TRIM24: variants seen among roughly 807,000 people sequenced by gnomAD.
TRIM24 encodes the protein transcription intermediary factor 1-alpha.
TRIM24 carries 29 observed loss-of-function variants against 123.9 expected under a neutral mutation model. That is an observed-to-expected ratio of 0.23 (90% CI 0.17 to 0.32). TRIM24 has a LOEUF of 0.32. Among genes scored for constraint, TRIM24 ranks in the 10% least tolerant of loss-of-function variants. The pLI is 1.00. For missense variants in TRIM24, 932 were observed against 1,295.3 expected, an observed-to-expected ratio of 0.72 and a Z score of 4.31; for synonymous variants, 456 against 461.1, an observed-to-expected ratio of 0.99 and a Z score of 0.14.
rs1796943058 is a variant in TRIM24, at chr7:138,538,719, T to C, written c.1059T>C (p.Ser353=). 1 of 1,614,006 alleles carries C rather than the reference T, an allele frequency of 6.2e-7. No homozygotes were observed. Among genetic ancestry groups the C allele is most frequent in the African/African-American group, 1.3e-5 (1 of 74,934 alleles). The part of the protein sequence containing the change: ...MQQQQEVAGL[S]KQLEHVMHFS... ...AACAACAGGAAGTGGCTGGACTCTC[T>C]AAACAATTGGAGCATGTCATGCATT... Residue 353 remains serine (S), a synonymous_variant, in exon 7 of 19, where the codon TCT becomes TCC. Coordinates refer to ENST00000343526, the MANE Select transcript of TRIM24 (RefSeq NM_015905.3).
Position 138,577,601 on chromosome 7 carries a change from G to C in TRIM24, c.2256+13G>C. On this transcript the variant is annotated intron_variant, in intron 14 of 18. Transcript: ENST00000343526. Reference sequence around the variant, plus strand: ...TAGGCCTCAAAATGTAATTATGAATGCTTGCAATGCTATTCCTATGCATGG... The same window carrying C: ...TAGGCCTCAAAATGTAATTATGAATCCTTGCAATGCTATTCCTATGCATGG... 1 of 1,589,682 alleles carries C rather than the reference G, an allele frequency of 6.3e-7. No individual in the cohort carries two copies. The highest frequency in any genetic ancestry group is 1.1e-5 in the South Asian group (1 of 87,374).
chr7:138,474,304 T>G (rs991227658), intron 1 of TRIM24, among the ~76,000 whole-genome samples: 1 of 151,864 alleles, frequency 6.6e-6, no homozygotes, highest in African/African-American at 2.4e-5. Context: ...TTTTTGTATT[T>G]TTAGTAGAGA....
intron 2 of TRIM24, among the ~76,000 whole-genome samples, chr7:138,509,921 C>T (rs1237269826): frequency 6.6e-6 from 1 of 152,126 alleles, no homozygotes; most frequent in Non-Finnish European, 1.5e-5. Context: ...GGAAGTGCAT[C>T]TTGGCTGGTG....
chr7:138,552,958 G>A (rs1272334075), intron 8 of TRIM24, among the ~76,000 whole-genome samples: 2 of 152,132 alleles, frequency 1.3e-5, no homozygotes, highest in Non-Finnish European at 2.9e-5. Context: ...GGTCATATGT[G>A]CTATGTACTT....
At chr7:138,465,626 C>G (rs897945620) in intron 1 of TRIM24, among the ~76,000 whole-genome samples, 26 of 152,130 alleles carry the variant, frequency 1.7e-4, no homozygotes, top group Admixed American at 1.1e-3. Context: ...CGTAACTATT[C>G]TGGGACTGAT....
At chr7:138,539,026 C>G (rs1796948844) in intron 7 of TRIM24, among the ~76,000 whole-genome samples, 1 of 152,080 alleles carries the variant, frequency 6.6e-6, no homozygotes, top group Admixed American at 6.6e-5. Flanking sequence ...CAAGTATTCA[C>G]TGTCTTCATA....
chr7:138,525,834 T>C (rs1335668052), intron 5 of TRIM24, among the ~76,000 whole-genome samples: 1 of 152,192 alleles, frequency 6.6e-6, no homozygotes, highest in Non-Finnish European at 1.5e-5. Context: ...CGCACACTTT[T>C]TACTTCTTGT....
chr7:138,568,368 T>C (rs1797578954), intron 10 of TRIM24, among the ~76,000 whole-genome samples: 1 of 137,862 alleles, frequency 7.3e-6, no homozygotes. Context: ...TAAGCCACCG[T>C]ACCTGGCCTC....
Position 138,577,443 on chromosome 7 carries a change from C to T in TRIM24, c.2111C>T (p.Ala704Val), listed in dbSNP as rs1368353529. Residue 704 changes from alanine (A) to valine (V), a missense_variant, in exon 14 of 19, where the codon GCA becomes GTA. Physicochemically the swap from Ala to Val is moderately conservative, Grantham distance 64. Transcript: ENST00000343526. ...RGSSGSSSKP[A>V]GADSTHKVPV... ...AGCTCTGGCTCTTCCAGCAAACCAG[C>T]AGGAGCTGACTCTACACACAAAGTC... The T allele has an allele frequency of 3.8e-6, 6 of 1,581,632 alleles. No homozygotes were observed. Among genetic ancestry groups the T allele is most frequent in the Non-Finnish European group, 5.1e-6 (6 of 1,165,908 alleles).
chr7:138,542,037 G>A (rs1403568696), intron 7 of TRIM24, among the ~76,000 whole-genome samples: 1 of 152,178 alleles, frequency 6.6e-6, no homozygotes, highest in African/African-American at 2.4e-5. Flanking sequence ...CTTGGGTTAA[G>A]GTTATGTTAT....
chr7:138,468,409 T>G (rs1795198543), intron 1 of TRIM24, among the ~76,000 whole-genome samples: 1 of 151,924 alleles, frequency 6.6e-6, no homozygotes, highest in Non-Finnish European at 1.5e-5. Context: ...AGGTGAAATG[T>G]TCTTTGCTTC....
At chr7:138,543,874 G>A (rs753527111) in intron 7 of TRIM24, among the ~76,000 whole-genome samples, 7 of 151,806 alleles carry the variant, frequency 4.6e-5, no homozygotes, top group Admixed American at 1.3e-4. Context: ...TCCCTCTATC[G>A]CCTAGGCTAG....
At chr7:138,535,736 G>C (rs558761636) in intron 6 of TRIM24, among the ~76,000 whole-genome samples, 1 of 152,054 alleles carries the variant, frequency 6.6e-6, no homozygotes, top group Non-Finnish European at 1.5e-5. Flanking sequence ...GGCATTCTCC[G>C]TATTTCCTGA....
At chr7:138,469,412 A>G (rs1023853387) in intron 1 of TRIM24, among the ~76,000 whole-genome samples, 2 of 150,868 alleles carry the variant, frequency 1.3e-5, no homozygotes, top group African/African-American at 4.9e-5. Flanking sequence ...CGGTTCAAAC[A>G]ATTCTCCTGC....
intron 2 of TRIM24, among the ~76,000 whole-genome samples, chr7:138,505,794 G>T (rs780924625): frequency 4.6e-5 from 7 of 152,150 alleles, no homozygotes; most frequent in Admixed American, 3.9e-4. Flanking sequence ...TAACCCACAT[G>T]TAGAACATCT....
intron 4 of TRIM24, among the ~76,000 whole-genome samples, chr7:138,523,409 A>C (rs891775060): frequency 6.6e-6 from 1 of 152,244 alleles, no homozygotes; most frequent in African/African-American, 2.4e-5. Flanking sequence ...TCCCACAAAG[A>C]AAATTACACA....
chr7:138,460,848 G>T lies in TRIM24; in HGVS notation c.300G>T (p.Glu100Asp), dbSNP rs1265929399. 1 of 1,564,840 alleles carries T rather than the reference G, an allele frequency of 6.4e-7. No individual in the cohort carries two copies. Among genetic ancestry groups the T allele is most frequent in the Admixed American group, 1.8e-5 (1 of 55,676 alleles). ...CCGCGCCCATGCTGGGCTCGGCCGAGACCCCGCCACCCGTCCCTGCCCCCG... is the reference window on the plus strand; with the variant it reads ...CCGCGCCCATGCTGGGCTCGGCCGATACCCCGCCACCCGTCCCTGCCCCCG... ...MLPAPMLGSA[E>D]TPPPVPAPGS... The change falls in exon 1 of 19, where the codon GAG (glutamate) becomes GAT (aspartate). Residue 100 changes from glutamate to aspartate, a missense_variant. Glu to Asp is a conservative substitution (Grantham distance 45). Around this residue, in one of 7 missense-constraint regions of TRIM24, gnomAD observed 164 missense variants for 181.9 expected, o/e 0.90. Transcript: ENST00000343526.
At chr7:138,561,480 G>T (rs1334193952) in intron 9 of TRIM24, among the ~76,000 whole-genome samples, 1 of 152,138 alleles carries the variant, frequency 6.6e-6, no homozygotes, top group African/African-American at 2.4e-5. Context: ...TCATTCTTAG[G>T]TTTGATAATC....
intron 4 of TRIM24, among the ~76,000 whole-genome samples, chr7:138,521,778 A>T (rs966094664): frequency 1.3e-5 from 2 of 152,234 alleles, no homozygotes; most frequent in African/African-American, 4.8e-5. Context: ...TATTAACCAA[A>T]GGCAAGATGG....
Sources: allele counts gnomAD v4.1 joint callset (sites outside exome capture counted in the v4.1 genomes callset), GRCh38; gene constraint gnomAD v4.1.1; regional missense constraint gnomAD v4.1.1; transcripts MANE v1.5; gene names NCBI Gene and HGNC (gene_info 2026-07-23, HGNC 2026-07-21).